Variants in YAP1 observed in about 807,000 individuals in gnomAD.
YAP1 encodes the protein Yes1 associated transcriptional regulator, also known as transcriptional coactivator YAP1.
YAP1 carries 5 observed loss-of-function variants against 56.9 expected under a neutral mutation model. That is an observed-to-expected ratio of 0.09 (90% CI 0.05 to 0.18). YAP1 has a LOEUF of 0.18. Among genes scored for constraint, YAP1 ranks in the 10% least tolerant of loss-of-function variants. YAP1 has a pLI of 1.00. For synonymous variants in YAP1, 265 were observed against 248.1 expected (o/e 1.07, Z -0.64); for missense variants, 539 against 651.8 (o/e 0.83, Z 1.88).
intron 4 of YAP1, among the ~76,000 whole-genome samples, chr11:102,192,907 C>A (rs910027618): frequency 6.6e-6 from 1 of 152,122 alleles, no homozygotes; most frequent in African/African-American, 2.4e-5. Flanking sequence ...GTGAGTATGT[C>A]CAGGCAAACA....
intron 2 of YAP1, among the ~76,000 whole-genome samples, chr11:102,114,605 C>T (rs1348134337): frequency 1.3e-5 from 2 of 152,172 alleles, no homozygotes. Context: ...GAAAGCTTTA[C>T]TGAGTCTTGG....
Position 102,229,738 on chromosome 11 carries a change from A to G in YAP1, c.1313A>G (p.Gln438Arg). ...TINQSTLPSQ[Q>R]NRFPDYLEAI... ...AACCAAAGCACCCTGCCCTCACAGCAGAACCGTTTCCCAGACTACCTTGAA... is the reference window on the plus strand; with the variant it reads ...AACCAAAGCACCCTGCCCTCACAGCGGAACCGTTTCCCAGACTACCTTGAA... Residue 438 changes from glutamine to arginine, a missense_variant, in exon 9 of 9, where the codon CAG (glutamine) becomes CGG (arginine). Gln to Arg is a conservative substitution (Grantham distance 43, BLOSUM62 1). This residue lies in a region of YAP1 where 414 missense variants were observed against 512.4 expected (regional missense o/e 0.81). Coordinates refer to ENST00000282441, the MANE Select transcript of YAP1 (RefSeq NM_001130145.3). 1 of 1,614,176 alleles carries G rather than the reference A, an allele frequency of 6.2e-7. No homozygotes were observed. Among genetic ancestry groups the G allele is most frequent in the African/African-American group, 1.3e-5 (1 of 75,064 alleles).
chr11:102,152,234 A>G (rs1000088761), intron 2 of YAP1, among the ~76,000 whole-genome samples: 4 of 152,168 alleles, frequency 2.6e-5, no homozygotes, highest in South Asian at 4.1e-4. Context: ...TTCAGTAACC[A>G]TTTCTCACCG....
In YAP1 at chr11:102,110,947, C is replaced by G. The variant is rs946151774; in HGVS notation, c.99C>G (p.Pro33=). ...AGGGGCAGGGCCCGCCGTCCGGACC[C>G]GGGCAACCGGCACCCGCGGCGACCC... The part of the protein sequence containing the change: ...PPQGQGPPSG[P]GQPAPAATQA... The change falls in exon 1 of 9, where the codon CCC becomes CCG. Residue 33 remains proline, a synonymous_variant. Coordinates refer to ENST00000282441, the MANE Select transcript of YAP1 (RefSeq NM_001130145.3). 1.3e-5 allele frequency: 19 copies of G among 1,500,596 alleles called. No homozygotes were observed. In the African/African-American group the frequency reaches 2.6e-4, roughly 21 times the overall value. 93.0% of individuals were successfully genotyped at this position (1,500,596 alleles called of 1,614,324 possible). A position where few individuals can be genotyped will look rare whatever the true frequency, so the allele number is the denominator to read the frequency against.
chr11:102,137,944 G>T (rs1944779873), intron 2 of YAP1, among the ~76,000 whole-genome samples: 2 of 151,720 alleles, frequency 1.3e-5, no homozygotes, highest in South Asian at 2.1e-4. Context: ...CTGGCGTGTT[G>T]TGGTGCTATC....
intron 3 of YAP1, among the ~76,000 whole-genome samples, chr11:102,167,151 CA>C (rs1405799507): frequency 1.3e-5 from 2 of 152,088 alleles, no homozygotes; most frequent in African/African-American, 4.8e-5. Flanking sequence ...GAGAATCACC[CA>C]AAACAAAGAT....
intron 2 of YAP1, among the ~76,000 whole-genome samples, chr11:102,132,734 A>G (rs1303971678): frequency 6.6e-6 from 1 of 152,250 alleles, no homozygotes; most frequent in Non-Finnish European, 1.5e-5. Context: ...TAAATTTATT[A>G]GAATTGTGCA....
intron 6 of YAP1, among the ~76,000 whole-genome samples, chr11:102,211,351 T>C (rs1006891494): frequency 6.6e-6 from 1 of 152,208 alleles, no homozygotes; most frequent in Non-Finnish European, 1.5e-5. Context: ...GTGAGGCTTA[T>C]TAGTAGTAAA....
At chr11:102,197,378 A>G (rs1416187836) in intron 4 of YAP1, among the ~76,000 whole-genome samples, 1 of 152,194 alleles carries the variant, frequency 6.6e-6, no homozygotes, top group African/African-American at 2.4e-5. Flanking sequence ...TATTATTCCA[A>G]AGTTTATGAC....
chr11:102,156,901 T>G (rs1433516658), intron 2 of YAP1, among the ~76,000 whole-genome samples: 3 of 152,220 alleles, frequency 2.0e-5, no homozygotes, highest in Admixed American at 2.0e-4. Context: ...CATGTCAGCA[T>G]GTCACTTTTT....
intron 2 of YAP1, among the ~76,000 whole-genome samples, chr11:102,148,817 G>A (rs1945469252): frequency 6.6e-6 from 1 of 152,042 alleles, no homozygotes; most frequent in African/African-American, 2.4e-5. Context: ...ATGTTTGAAA[G>A]TATATAAAAG....
At chr11:102,196,224 C>T (rs12795624) in intron 4 of YAP1, among the ~76,000 whole-genome samples, 45,330 of 151,764 alleles carry the variant, frequency 0.3, 7,084 homozygotes, top group East Asian at 0.36. Flanking sequence ...TATGTCTCCA[C>T]GTTGTGGGAA....
At chr11:102,220,093 G>A (rs1015641570) in intron 6 of YAP1, among the ~76,000 whole-genome samples, 3 of 151,778 alleles carry the variant, frequency 2.0e-5, no homozygotes, top group Non-Finnish European at 2.9e-5. Context: ...CACTGGCTGG[G>A]CATGGTGGCT....
chr11:102,157,967 A>T (rs191736356), intron 2 of YAP1, among the ~76,000 whole-genome samples: 1 of 152,310 alleles, frequency 6.6e-6, no homozygotes, highest in East Asian at 1.9e-4. Flanking sequence ...GAGTGTCCAT[A>T]AAAAGCTTCT....
At chr11:102,168,880 G>A (rs943986817) in intron 3 of YAP1, among the ~76,000 whole-genome samples, 1 of 152,164 alleles carries the variant, frequency 6.6e-6, no homozygotes, top group African/African-American at 2.4e-5. Flanking sequence ...CATTGATTTA[G>A]GTTTTAACTT....
At chr11:102,160,324 A>G (rs1946194480) in intron 2 of YAP1, among the ~76,000 whole-genome samples, 1 of 152,174 alleles carries the variant, frequency 6.6e-6, no homozygotes, top group Non-Finnish European at 1.5e-5. Flanking sequence ...CGCCTGGCCC[A>G]GCATATTTTT....
At chr11:102,176,526 C>T (rs1947256714) in intron 3 of YAP1, among the ~76,000 whole-genome samples, 1 of 151,744 alleles carries the variant, frequency 6.6e-6, no homozygotes, top group Non-Finnish European at 1.5e-5. Flanking sequence ...GTGGGTGGAT[C>T]TTGAGGTCAG....
At chr11:102,209,586 T>C in intron 6 of YAP1, 22 bp downstream of exon 6, 2 of 1,544,998 alleles carry the variant, frequency 1.3e-6, no homozygotes, top group Non-Finnish European at 1.7e-6. Context: ...TCTGATGTTT[T>C]AGCACTGGAA....
At chr11:102,143,681 T>C (rs1336453273) in intron 2 of YAP1, among the ~76,000 whole-genome samples, 1 of 152,222 alleles carries the variant, frequency 6.6e-6, no homozygotes, top group East Asian at 1.9e-4. Context: ...AGTGTAGGCA[T>C]GAAAGGAAGG....
Sources: gnomAD v4.1 joint callset for allele counts (sites outside exome capture counted in the v4.1 genomes callset) on GRCh38, gnomAD v4.1.1 for gene constraint, gnomAD v4.1.1 regional missense constraint, MANE v1.5 for transcripts, NCBI Gene and HGNC (gene_info 2026-07-23, HGNC 2026-07-21) for gene names.